Variants in LHFPL4 observed in about 807,000 individuals in gnomAD.
LHFPL4 encodes the protein LHFPL tetraspan subfamily member 4.
In LHFPL4, 6 loss-of-function variants were observed where a neutral mutation model predicts 20.0. The ratio of observed to expected loss-of-function variants is 0.30; its 90% CI spans 0.16 to 0.59. LHFPL4 has a LOEUF of 0.59. LHFPL4 is among the 20% of genes least tolerant of loss of function. The probability of loss-of-function intolerance (pLI) is 0.88; values close to 1 mark genes in which losing one functional copy is unlikely to be tolerated. For missense variants in LHFPL4, 215 were observed against 331.2 expected (o/e 0.65, Z 2.72); for synonymous variants, 129 against 143.8 (o/e 0.90, Z 0.74).
chr3:9,550,367 C>G (rs2125668946), intron 2 of LHFPL4, among the ~76,000 whole-genome samples: 1 of 152,298 alleles, frequency 6.6e-6, no homozygotes, highest in African/African-American at 2.4e-5. Flanking sequence ...GTCAAGGACC[C>G]CCGGCTGTAG....
chr3:9,536,834 G>C (rs1256908148), intron 2 of LHFPL4, among the ~76,000 whole-genome samples: 1 of 151,600 alleles, frequency 6.6e-6, no homozygotes, highest in Non-Finnish European at 1.5e-5. Flanking sequence ...CAGGAGAATG[G>C]CGTGAACCTG....
intron 2 of LHFPL4, among the ~76,000 whole-genome samples, chr3:9,527,118 A>G (rs1430238223): frequency 6.6e-6 from 1 of 151,984 alleles, no homozygotes; most frequent in East Asian, 1.9e-4. Flanking sequence ...CCTTATGGAT[A>G]TATATGTAAA....
At chr3:9,504,019 C>T (rs1465088598) in intron 3 of LHFPL4, among the ~76,000 whole-genome samples, 1 of 151,858 alleles carries the variant, frequency 6.6e-6, no homozygotes, top group Non-Finnish European at 1.5e-5. Flanking sequence ...GAGTGAGGCC[C>T]CCTCCCCCAA....
chr3:9,502,608 CA>C (rs2046185421), intron 3 of LHFPL4, among the ~76,000 whole-genome samples: 1 of 151,610 alleles, frequency 6.6e-6, no homozygotes, highest in South Asian at 2.1e-4. Context: ...GAGGCTGAGG[CA>C]GGAGAATCGC....
At position 9,547,377 on chromosome 3, in the gene LHFPL4, T is replaced by C. The variant is rs367797944; in HGVS notation, c.406+4897A>G. Among the ~76,000 whole-genome samples the C allele has an allele frequency of 1.0e-3, 154 of 152,298 alleles. 1 individual carries two copies. Among genetic ancestry groups the C allele is most frequent in the South Asian group, 9.1e-3 (44 of 4,824 alleles). ...ACTTCACCTTGAATCTCAAACCCAG[T>C]TGGGAGTGTCCCCCGGCTAACTACA... On this transcript the variant is annotated intron_variant, in intron 2 of 3. Coordinates refer to ENST00000287585, the MANE Select transcript of LHFPL4 (RefSeq NM_198560.3).
intron 2 of LHFPL4, among the ~76,000 whole-genome samples, chr3:9,543,159 G>A (rs2046488506): frequency 6.6e-6 from 1 of 151,998 alleles, no homozygotes; most frequent in Non-Finnish European, 1.5e-5. Flanking sequence ...TTCTCTCTCG[G>A]AGCACTCATT....
chr3:9,547,736 G>T (rs2046524692), intron 2 of LHFPL4, among the ~76,000 whole-genome samples: 1 of 152,146 alleles, frequency 6.6e-6, no homozygotes, highest in African/African-American at 2.4e-5. Flanking sequence ...ACATGCTGTT[G>T]CTATCCCCAC....
At chr3:9,547,662 G>A (rs1386725450) in intron 2 of LHFPL4, among the ~76,000 whole-genome samples, 1 of 152,202 alleles carries the variant, frequency 6.6e-6, no homozygotes, top group Non-Finnish European at 1.5e-5. Flanking sequence ...GAACAACCGG[G>A]TAAAAAACGT....
At chr3:9,516,430 C>T (rs1421626260) in intron 2 of LHFPL4, among the ~76,000 whole-genome samples, 1 of 151,908 alleles carries the variant, frequency 6.6e-6, no homozygotes, top group African/African-American at 2.4e-5. Flanking sequence ...CCATTCTGTC[C>T]TATCAATCAA....
chr3:9,531,596 A>T (rs1442857967), intron 2 of LHFPL4, among the ~76,000 whole-genome samples: 1 of 152,150 alleles, frequency 6.6e-6, no homozygotes, highest in Non-Finnish European at 1.5e-5. Context: ...TGAAATAACA[A>T]TTCGAGACCA....
At chr3:9,552,876 G>A (rs1447854535) in intron 1 of LHFPL4, 29 bp from the exon 2 acceptor site, 4 of 166,718 alleles carry the variant, frequency 2.4e-5, no homozygotes, top group Non-Finnish European at 5.0e-5. Context: ...GGTCATGAGA[G>A]TGTTGAGGCC....
chr3:9,547,559 G>A (rs2046523437), intron 2 of LHFPL4, among the ~76,000 whole-genome samples: 1 of 152,206 alleles, frequency 6.6e-6, no homozygotes, highest in Admixed American at 6.5e-5. Context: ...TGTGACCTTG[G>A]AGCAAGTTAT....
intron 2 of LHFPL4, among the ~76,000 whole-genome samples, chr3:9,536,123 T>C (rs745419318): frequency 6.6e-6 from 1 of 152,158 alleles, no homozygotes; most frequent in Non-Finnish European, 1.5e-5. Context: ...TCAAAGGGAA[T>C]GGCTTCCCCA....
chr3:9,510,979 T>TAAAG (rs1559515432), intron 2 of LHFPL4, among the ~76,000 whole-genome samples: 1 of 145,952 alleles, frequency 6.9e-6, no homozygotes, highest in African/African-American at 2.5e-5. Context: ...AATAAATAAA[T>TAAAG]AAGCAGTGAT....
intron 2 of LHFPL4, among the ~76,000 whole-genome samples, chr3:9,530,041 G>C (rs2046399714): frequency 6.6e-6 from 1 of 151,700 alleles, no homozygotes; most frequent in Non-Finnish European, 1.5e-5. Flanking sequence ...TCCATTTATA[G>C]AGCATAGGTG....
rs748612761 is a variant in LHFPL4, at chr3:9,502,314, A to AAGAG, written c.644-7_644-4dup. On this transcript the variant is annotated splice_polypyrimidine_tract_variant and splice_region_variant and intron_variant, in intron 3 of 3. Transcript: ENST00000287585. Reference sequence around the variant, plus strand: ...GCTTACTGTAGAGCCCACAAAATCTAAGAGAGAGAGAGAGAGAGAGAAGGA... The same window carrying AAGAG: ...GCTTACTGTAGAGCCCACAAAATCTAAGAGAGAGAGAGAGAGAGAGAGAGAAGGA... 150 of 1,521,102 alleles carry AAGAG rather than the reference A, an allele frequency of 9.9e-5. No homozygotes were observed. In the African/African-American group the frequency reaches 1.2e-3, roughly 12 times the overall value. 94.2% of individuals were successfully genotyped at this position (1,521,102 alleles called of 1,614,324 possible).
chr3:9,553,304 A>G (rs1167700239), intron 1 of LHFPL4, among the ~76,000 whole-genome samples: 1 of 135,070 alleles, frequency 7.4e-6, no homozygotes, highest in East Asian at 2.4e-4. Context: ...GGGACGGGGA[A>G]TGGGGGCTGG....
At chr3:9,521,655 G>C (rs2046338481) in intron 2 of LHFPL4, among the ~76,000 whole-genome samples, 1 of 150,700 alleles carries the variant, frequency 6.6e-6, no homozygotes, top group Admixed American at 6.6e-5. Flanking sequence ...TGCCTGCCTT[G>C]GCCTCCCAAA....
rs1483109456 is a variant in LHFPL4, at chr3:9,553,787, G to T, written c.-271C>A. ...CCTCGGCCCAGGCGGCGGCCTCTGC[G>T]CGGCCTCCATCTTGCTCGGGTTCTC... On this transcript the variant is annotated 5_prime_UTR_variant, in exon 1 of 4. Coordinates refer to ENST00000287585, the MANE Select transcript of LHFPL4 (RefSeq NM_198560.3). 1 of 150,658 alleles carries T rather than the reference G, an allele frequency of 6.6e-6. No homozygotes were observed. The highest frequency in any genetic ancestry group is 1.5e-5 in the Non-Finnish European group (1 of 67,476). 9.3% of individuals were successfully genotyped at this position (150,658 alleles called of 1,614,324 possible).
Sources: allele counts gnomAD v4.1 joint callset (sites outside exome capture counted in the v4.1 genomes callset), GRCh38; gene constraint gnomAD v4.1.1; transcripts MANE v1.5; gene names NCBI Gene and HGNC (gene_info 2026-07-23, HGNC 2026-07-21).